Variants in PREX1 observed in about 807,000 individuals in gnomAD.
PREX1 encodes the protein phosphatidylinositol-3,4,5-trisphosphate dependent Rac exchange factor 1, also known as phosphatidylinositol 3,4,5-trisphosphate-dependent Rac exchanger 1 protein.
A neutral mutation model predicts 198.3 loss-of-function variants in PREX1; 41 were observed. The ratio of observed to expected loss-of-function variants is 0.21; its 90% CI spans 0.16 to 0.27. The LOEUF (loss-of-function observed/expected upper bound fraction) is 0.27. Among genes scored for constraint, PREX1 ranks in the 10% least tolerant of loss-of-function variants. PREX1 has a pLI of 1.00. For missense variants in PREX1, 1,620 were observed against 2,200.7 expected (o/e 0.74, Z 5.28); for synonymous variants, 843 against 887.2 (o/e 0.95, Z 0.89).
At chr20:48,869,210 T>C in the PREX1 span, among the ~76,000 whole-genome samples, 1 of 152,080 alleles carries the variant, frequency 6.6e-6, no homozygotes, top group African/African-American at 2.4e-5. Context: ...ACTATATGTA[T>C]CCTCATTATT....
At chr20:48,714,566 C>T (rs2089953291) in intron 5 of PREX1, among the ~76,000 whole-genome samples, 1 of 152,206 alleles carries the variant, frequency 6.6e-6, no homozygotes, top group South Asian at 2.1e-4. Context: ...TGAGATACCA[C>T]TTCACATCTA....
intron 1 of PREX1, among the ~76,000 whole-genome samples, chr20:48,819,906 C>T (rs368237222): frequency 2.0e-4 from 31 of 152,222 alleles, no homozygotes; most frequent in African/African-American, 7.0e-4. Flanking sequence ...TGACCCCGGC[C>T]TCGCTCCTCC....
intron 6 of PREX1, among the ~76,000 whole-genome samples, chr20:48,705,583 A>C (rs924533510): frequency 1.3e-5 from 2 of 152,244 alleles, no homozygotes; most frequent in African/African-American, 4.8e-5. Context: ...CGCATCATTA[A>C]CATGAACTAC....
rs369794111 is a variant in PREX1, at chr20:48,804,787, T to A, written c.219+22855A>T. On this transcript the variant is annotated intron_variant, in intron 1 of 39. Coordinates refer to ENST00000371941, the MANE Select transcript of PREX1 (RefSeq NM_020820.4). The stretch of plus-strand genomic sequence containing the variant: ...CCTGGCTGCTTGTCCAAGTTGGAGC[T>A]GACAGGATTTCCTGATGGGTTGGAT... 1.6e-3 allele frequency among the ~76,000 whole-genome samples: 240 copies of A among 152,300 alleles called. 3 individuals carry two copies. The highest frequency in any genetic ancestry group is 5.4e-3 in the African/African-American group (223 of 41,564).
chr20:48,808,700 C>G (rs963099474), intron 1 of PREX1, among the ~76,000 whole-genome samples: 3 of 152,218 alleles, frequency 2.0e-5, no homozygotes, highest in African/African-American at 7.2e-5. Context: ...CCCTCAAGGC[C>G]CTGTGCAATC....
At chr20:48,869,376 G>T in the PREX1 span, among the ~76,000 whole-genome samples, 5 of 151,138 alleles carry the variant, frequency 3.3e-5, no homozygotes, top group African/African-American at 1.2e-4. Flanking sequence ...ATGGCTCATT[G>T]CAGTCTCAAA....
At position 48,644,457 on chromosome 20, in the gene PREX1, T is replaced by C. The variant is rs1182986552; in HGVS notation, c.3553A>G (p.Ser1185Gly). 1 of 1,614,004 alleles carries C rather than the reference T, an allele frequency of 6.2e-7. No homozygotes were observed. The highest frequency in any genetic ancestry group is 2.2e-5 in the East Asian group (1 of 44,872). The change falls in exon 27 of 40, where the codon AGC becomes GGC. Residue 1185 changes from serine to glycine, a missense_variant. Physicochemically the swap from Ser to Gly is moderately conservative, Grantham distance 56. Transcript: ENST00000371941. ...AAGTAGGAGCTGTTACTTCTCACGC[T>C]GGTGTAGGACAGGACCGAGTCTCGA... ...SNRDSVLSYT[S>G]VRSNSSYLGS...
At chr20:48,842,496 A>C in the PREX1 span, among the ~76,000 whole-genome samples, 1 of 151,838 alleles carries the variant, frequency 6.6e-6, no homozygotes, top group Non-Finnish European at 1.5e-5. Flanking sequence ...TGCTTTCTGG[A>C]GTGTGAAGTC....
At chr20:48,772,972 A>G (rs2122887339) in intron 1 of PREX1, among the ~76,000 whole-genome samples, 1 of 152,332 alleles carries the variant, frequency 6.6e-6, no homozygotes, top group South Asian at 2.1e-4. Context: ...GTGCTCAAGA[A>G]ATGTCCATAA....
intron 4 of PREX1, among the ~76,000 whole-genome samples, chr20:48,732,667 A>T (rs1252350340): frequency 6.6e-6 from 1 of 152,148 alleles, no homozygotes; most frequent in African/African-American, 2.4e-5. Flanking sequence ...AGTGTCCCCT[A>T]ATGTATTCTT....
rs527421887 is a variant in PREX1 at position 48,668,791 on chromosome 20, A to T, written c.1666-2436T>A. Among the ~76,000 whole-genome samples the T allele has an allele frequency of 3.9e-5, 6 of 152,322 alleles. No individual in the cohort carries two copies. In the South Asian group the frequency reaches 1.2e-3, roughly 32 times the overall value. On this transcript the variant is annotated intron_variant, in intron 14 of 39. Coordinates refer to ENST00000371941, the MANE Select transcript of PREX1 (RefSeq NM_020820.4). The stretch of plus-strand genomic sequence containing the variant: ...CCAGGGGTGGTGGCTATGAGAGGCC[A>T]TATCCAGAGCAGCCTCCCCCACGCC...
intron 1 of PREX1, among the ~76,000 whole-genome samples, chr20:48,757,700 G>A (rs1464929638): frequency 6.6e-6 from 1 of 152,162 alleles, no homozygotes; most frequent in Non-Finnish European, 1.5e-5. Context: ...TGCCCAATAA[G>A]TCCTCAGTAA....
chr20:48,747,970 A>G, intron 1 of PREX1, 90 bp from the exon 2 acceptor site: 4 of 1,214,742 alleles, frequency 3.3e-6, no homozygotes, highest in Middle Eastern at 3.8e-4. Context: ...TCAAATGCCA[A>G]CTAGGATCTG....
At chr20:48,800,469 A>G (rs751277868) in intron 1 of PREX1, among the ~76,000 whole-genome samples, 8 of 152,356 alleles carry the variant, frequency 5.3e-5, no homozygotes, top group Non-Finnish European at 1.0e-4. Flanking sequence ...CAGCGACAGC[A>G]GCCAACAATC....
intron 24 of PREX1, 61 bp from the exon 25 acceptor site, chr20:48,649,637 G>C: frequency 6.6e-7 from 1 of 1,509,256 alleles, no homozygotes; most frequent in Non-Finnish European, 8.9e-7. Flanking sequence ...TGGGCCTTTG[G>C]GCGGAACAAT....
chr20:48,862,012 C>T, the PREX1 span, among the ~76,000 whole-genome samples: 2 of 152,148 alleles, frequency 1.3e-5, no homozygotes, highest in Non-Finnish European at 2.9e-5. Flanking sequence ...GAGTTTGAGA[C>T]CAGCCTGACC....
chr20:48,854,909 G>T, the PREX1 span, among the ~76,000 whole-genome samples: 1 of 152,144 alleles, frequency 6.6e-6, no homozygotes. Flanking sequence ...GTTTGCACCT[G>T]GCTGTGTGAC....
chr20:48,704,258 C>T, intron 6 of PREX1, among the ~76,000 whole-genome samples: 1 of 152,252 alleles, frequency 6.6e-6, no homozygotes. Context: ...ACTCAGGCCG[C>T]TCTTCGAAGA....
At chr20:48,787,261 G>A (rs766477653) in intron 1 of PREX1, among the ~76,000 whole-genome samples, 4 of 151,976 alleles carry the variant, frequency 2.6e-5, no homozygotes, top group African/African-American at 9.7e-5. Flanking sequence ...TGCTTCCCCC[G>A]ATCCCAGGAC....
Sources: allele counts gnomAD v4.1 joint callset (sites outside exome capture counted in the v4.1 genomes callset), GRCh38; gene constraint gnomAD v4.1.1; transcripts MANE v1.5; gene names NCBI Gene and HGNC (gene_info 2026-07-23, HGNC 2026-07-21).